Variants in RALY observed in about 807,000 individuals in gnomAD.
The protein encoded by RALY is RALY heterogeneous nuclear ribonucleoprotein.
In RALY, 15 loss-of-function variants were observed where a neutral mutation model predicts 30.7. That is an observed-to-expected ratio of 0.49 (90% CI 0.33 to 0.75). The LOEUF is 0.75. Ranked by LOEUF, RALY falls within the 30% of genes least tolerant of loss-of-function variation. The probability of loss-of-function intolerance (pLI) is 0.02; values close to 1 mark genes in which losing one functional copy is unlikely to be tolerated. For missense variants in RALY, 339 were observed against 414.3 expected (o/e 0.82, Z 1.58); for synonymous variants, 177 against 170.8 (o/e 1.04, Z -0.28).
intron 2 of RALY, among the ~76,000 whole-genome samples, chr20:34,036,701 A>C (rs558636105): frequency 1.3e-5 from 2 of 152,188 alleles, no homozygotes; most frequent in African/African-American, 4.8e-5. Flanking sequence ...TACTAATTCA[A>C]ATGTCTTACT....
At position 34,037,415 on chromosome 20, in the gene RALY, A is replaced by G. The variant is rs184261684; in HGVS notation, c.-10+5811A>G. On this transcript the variant is annotated intron_variant, in intron 2 of 9. Transcript: ENST00000246194. ...GCTAGAAGAGACCGCTGCCCGCCTC[A>G]TGGACTTCAGAGGCTTCACAGTGGC... 1.1e-4 allele frequency among the ~76,000 whole-genome samples: 16 copies of G among 152,338 alleles called. No individual in the cohort carries two copies. The East Asian group carries it at 2.7e-3, about 26-fold the overall frequency.
chr20:34,073,498 G>A lies in RALY; in HGVS notation c.257-65G>A, dbSNP rs114056958. ...CACATGAATTGCTGTGCGTGTGCAT[G>A]AGGTTGATGTGTGTGGGCACACTGT... On this transcript the variant is annotated intron_variant, in intron 3 of 9. Coordinates refer to ENST00000246194, the MANE Select transcript of RALY (RefSeq NM_016732.3). The A allele has an allele frequency of 9.4e-5, 135 of 1,428,658 alleles. No homozygotes were observed. In the African/African-American group the frequency reaches 1.6e-3, roughly 17 times the overall value. 88.5% of individuals were successfully genotyped at this position (1,428,658 alleles called of 1,614,324 possible).
intron 2 of RALY, among the ~76,000 whole-genome samples, chr20:34,048,188 G>A (rs1279833707): frequency 6.6e-6 from 1 of 152,166 alleles, no homozygotes; most frequent in Non-Finnish European, 1.5e-5. Context: ...ATTAGGCTCT[G>A]GACTCGTTAA....
chr20:34,066,206 G>A (rs1331884702), intron 2 of RALY, among the ~76,000 whole-genome samples: 6 of 150,200 alleles, frequency 4.0e-5, no homozygotes, highest in African/African-American at 1.5e-4. Context: ...AAAATGGGGC[G>A]GGATGGGTGC....
chr20:34,030,643 CACTTG>C (rs1601439450), intron 1 of RALY, among the ~76,000 whole-genome samples: 1 of 152,188 alleles, frequency 6.6e-6, no homozygotes, highest in East Asian at 1.9e-4. Flanking sequence ...CCAGTTTTAC[CACTTG>C]ACTTATTTTG....
At chr20:34,040,714 T>G (rs1397727656) in intron 2 of RALY, among the ~76,000 whole-genome samples, 2 of 152,220 alleles carry the variant, frequency 1.3e-5, no homozygotes, top group Non-Finnish European at 2.9e-5. Flanking sequence ...TCCCTTAATC[T>G]TTATAACTCA....
chr20:34,078,363 T>TC, intron 8 of RALY, 142 bp from the exon 9 acceptor site: 1 of 641,240 alleles, frequency 1.6e-6, no homozygotes, highest in East Asian at 3.4e-5. Flanking sequence ...CCATAGTCAT[T>TC]CCCCTTGGCT....
In RALY at chr20:34,083,452, A is replaced by G. The variant is rs886956594; in HGVS notation, c.*3547A>G. The stretch of plus-strand genomic sequence containing the variant: ...TGCGAGTGCTCTTGAGGATATTGCT[A>G]TGACGTATCTTTTGGCCAAAGTAAG... On this transcript the variant is annotated 3_prime_UTR_variant, in exon 10 of 10. Transcript: ENST00000246194. The G allele has an allele frequency of 2.6e-5, 4 of 152,216 alleles. No individual in the cohort carries two copies. Among genetic ancestry groups the G allele is most frequent in the African/African-American group, 7.2e-5 (3 of 41,452 alleles). The allele number at this position is 152,216 out of a possible 1,614,324, so 9.4% of individuals were successfully genotyped here.
chr20:34,066,671 G>T (rs753008136), intron 2 of RALY, among the ~76,000 whole-genome samples: 1 of 149,632 alleles, frequency 6.7e-6, no homozygotes, highest in African/African-American at 2.5e-5. Context: ...GATTACTTGC[G>T]TGAGCCACTT....
At chr20:34,078,956 T>C (rs2033970338) in intron 9 of RALY, among the ~76,000 whole-genome samples, 1 of 152,160 alleles carries the variant, frequency 6.6e-6, no homozygotes, top group Non-Finnish European at 1.5e-5. Flanking sequence ...CTGCTAGTGA[T>C]TGAGGGAGCA....
intron 1 of RALY, among the ~76,000 whole-genome samples, chr20:33,995,534 T>G (rs929936702): frequency 1.3e-5 from 2 of 152,186 alleles, no homozygotes; most frequent in South Asian, 4.1e-4. Context: ...AGTTTTTCAA[T>G]GTGATCCGGT....
Position 34,078,508 on chromosome 20 carries a change from C to G in RALY, c.880C>G (p.His294Asp), listed in dbSNP as rs1171842051. ...TCTCTTACCTCCTCCCTATCAGGAA[C>G]ACAGCCAGGACACAGACGCGGATGA... ...LLTHSEEELE[H>D]SQDTDADDGA... Residue 294 changes from histidine to aspartate, a missense_variant, in exon 9 of 10, where the codon CAC (histidine) becomes GAC (aspartate). Transcript: ENST00000246194. 6.3e-7 allele frequency: 1 copy of G among 1,584,058 alleles called. No individual in the cohort carries two copies.
chr20:34,028,285 TAAA>T (rs35090141), intron 1 of RALY, among the ~76,000 whole-genome samples: 3 of 131,796 alleles, frequency 2.3e-5, no homozygotes, highest in Admixed American at 7.6e-5. Flanking sequence ...GACCCTATCT[TAAA>T]AAAAAAAAAA....
In RALY at chr20:34,076,782, G is replaced by A; in HGVS notation, c.625G>A (p.Glu209Lys). The A allele has an allele frequency of 1.2e-6, 2 of 1,614,148 alleles. No individual in the cohort carries two copies. The highest frequency in any genetic ancestry group is 1.7e-6 in the Non-Finnish European group (2 of 1,180,032). ...TATCGATGCCCTGCTGAGCCGCTTG[G>A]AGCAGATCGCTGCGGAGCAAAAGGC... is the stretch of plus-strand genomic sequence containing the variant. ...SNIDALLSRL[E>K]QIAAEQKANP... is the part of the protein sequence containing the mutation. The change falls in exon 7 of 10, where the codon GAG (glutamate) becomes AAG (lysine). Residue 209 changes from glutamate to lysine, a missense_variant. Coordinates refer to ENST00000246194, the MANE Select transcript of RALY (RefSeq NM_016732.3).
intron 1 of RALY, among the ~76,000 whole-genome samples, chr20:34,007,281 G>A (rs2031200311): frequency 6.6e-6 from 1 of 152,138 alleles, no homozygotes; most frequent in Non-Finnish European, 1.5e-5. Flanking sequence ...CAGCACTTTG[G>A]GAGGCCAAGG....
rs2300207 is a variant in RALY at position 34,011,039 on chromosome 20, G to A, written c.-93+16908G>A. ...GTGAATGAATAAACTGGGTGGGGGGGGGGTTCTCAAACTGGAACACATGGC... is the reference window on the plus strand; with the variant it reads ...GTGAATGAATAAACTGGGTGGGGGGAGGGTTCTCAAACTGGAACACATGGC... On this transcript the variant is annotated intron_variant, in intron 1 of 9. Transcript: ENST00000246194. 4.1e-5 allele frequency among the ~76,000 whole-genome samples: 5 copies of A among 122,262 alleles called. No homozygotes were observed. In the East Asian group the frequency reaches 8.7e-4, roughly 21 times the overall value. 80.2% of individuals were successfully genotyped at this position (122,262 alleles called of 152,430 possible).
At chr20:34,015,642 G>T (rs1007005603) in intron 1 of RALY, among the ~76,000 whole-genome samples, 2 of 150,466 alleles carry the variant, frequency 1.3e-5, no homozygotes, top group African/African-American at 4.9e-5. Context: ...TTTATTTTTC[G>T]TAGTTGTCAA....
intron 1 of RALY, among the ~76,000 whole-genome samples, chr20:34,019,251 G>A (rs1484707163): frequency 1.3e-5 from 2 of 151,982 alleles, no homozygotes; most frequent in African/African-American, 4.8e-5. Context: ...GCTTGAACCC[G>A]AGAGGTGGAG....
chr20:34,019,973 A>T (rs1828095429), intron 1 of RALY, among the ~76,000 whole-genome samples: 2 of 152,022 alleles, frequency 1.3e-5, no homozygotes, highest in Admixed American at 1.3e-4. Flanking sequence ...AGGCAGGAGA[A>T]TGGCGTGAAC....
Sources: gnomAD v4.1 joint callset for allele counts (sites outside exome capture counted in the v4.1 genomes callset) on GRCh38, gnomAD v4.1.1 for gene constraint, MANE v1.5 for transcripts, NCBI Gene and HGNC (gene_info 2026-07-23, HGNC 2026-07-21) for gene names.